ARK2N: variants seen among roughly 807,000 people sequenced by gnomAD.
ARK2N encodes the protein protein ARK2N.
the ARK2N span, chr18:46,216,433 C>T: frequency 6.2e-7 from 1 of 1,614,068 alleles, no homozygotes; most frequent in South Asian, 1.1e-5. This position sits in a 1 kb window ranked among gnomAD's most constrained non-coding sequence, Gnocchi z 4.3. Flanking sequence ...GAGGATCAGG[C>T]TACTGAGGCA....
chr18:46,179,941 A>G, the ARK2N span, among the ~76,000 whole-genome samples: 1 of 152,166 alleles, frequency 6.6e-6, no homozygotes, highest in Non-Finnish European at 1.5e-5. Context: ...TCTCTTCTAT[A>G]TTCCTGAACT....
chr18:46,223,609 A>AC, the ARK2N span, among the ~76,000 whole-genome samples: 1 of 152,228 alleles, frequency 6.6e-6, no homozygotes, highest in African/African-American at 2.4e-5. Context: ...AATTAGTTTA[A>AC]CAAATGCTCA....
chr18:46,195,901 C>A, the ARK2N span, among the ~76,000 whole-genome samples: 1 of 151,936 alleles, frequency 6.6e-6, no homozygotes, highest in Non-Finnish European at 1.5e-5. Context: ...AGAAACCCAA[C>A]CATTATACCA....
the ARK2N span, among the ~76,000 whole-genome samples, chr18:46,249,644 G>C: frequency 6.6e-6 from 1 of 152,186 alleles, no homozygotes; most frequent in East Asian, 1.9e-4. Flanking sequence ...GCTTTCTGCT[G>C]TCAAACCTAT....
At chr18:46,198,310 C>CA in the ARK2N span, among the ~76,000 whole-genome samples, 2,367 of 68,304 alleles carry the variant, frequency 0.035, 21 homozygotes, top group African/African-American at 0.061. Flanking sequence ...ACTCCATCTC[C>CA]AAAAAAAAAA....
chr18:46,228,970 T>G, the ARK2N span: 5 of 392,146 alleles, frequency 1.3e-5, no homozygotes, highest in African/African-American at 6.2e-5. Flanking sequence ...CTACAAAATT[T>G]TGAGGAAAGG....
At chr18:46,240,211 T>A in the ARK2N span, 14 of 1,612,756 alleles carry the variant, frequency 8.7e-6, 1 homozygote, top group Non-Finnish European at 1.1e-5. Flanking sequence ...ATCCCCCTTC[T>A]CTAACGGTGT....
At chr18:46,239,204 A>T in the ARK2N span, among the ~76,000 whole-genome samples, 1 of 152,194 alleles carries the variant, frequency 6.6e-6, no homozygotes, top group Non-Finnish European at 1.5e-5. Flanking sequence ...TTTGAAACTC[A>T]GCTGCCTTTT....
chr18:46,235,268 A>T, the ARK2N span, among the ~76,000 whole-genome samples: 1 of 152,228 alleles, frequency 6.6e-6, no homozygotes, highest in Non-Finnish European at 1.5e-5. Flanking sequence ...CACATTTGTG[A>T]TGACCTTACT....
At chr18:46,216,662 A>T in the ARK2N span, 1 of 1,358,810 alleles carries the variant, frequency 7.4e-7, no homozygotes, top group African/African-American at 1.5e-5. The surrounding 1 kb of genome is among the most constrained non-coding windows in gnomAD (Gnocchi z 4.3). Flanking sequence ...AGGTTCAGTT[A>T]GATGAGTGAC....
the ARK2N span, chr18:46,263,468 T>C: frequency 1.2e-3 from 227 of 192,856 alleles, no homozygotes; most frequent in African/African-American, 5.1e-3. Flanking sequence ...AGTTTTTGAA[T>C]CTTGTATTTA....
At chr18:46,195,530 G>A in the ARK2N span, among the ~76,000 whole-genome samples, 2,558 of 142,710 alleles carry the variant, frequency 0.018, 83 homozygotes, top group African/African-American at 0.065. Flanking sequence ...ATTACAGCTT[G>A]AGCCACCACG....
At chr18:46,230,146 A>G in the ARK2N span, among the ~76,000 whole-genome samples, 1 of 151,398 alleles carries the variant, frequency 6.6e-6, no homozygotes, top group Admixed American at 6.6e-5. Context: ...GCTGGTTTCA[A>G]ACTCCTGACC....
the ARK2N span, among the ~76,000 whole-genome samples, chr18:46,222,588 T>A: frequency 1.3e-5 from 2 of 152,218 alleles, no homozygotes; most frequent in African/African-American, 4.8e-5. Flanking sequence ...TGAGTGCCTA[T>A]ATTAACTTTG....
the ARK2N span, among the ~76,000 whole-genome samples, chr18:46,208,762 C>T: frequency 9.5e-4 from 145 of 152,164 alleles, no homozygotes; most frequent in African/African-American, 3.1e-3. Context: ...CCACCATGCC[C>T]GGCTCTGTTC....
At chr18:46,266,017 AG>A in the ARK2N span, 1 of 152,240 alleles carries the variant, frequency 6.6e-6, no homozygotes, top group Non-Finnish European at 1.5e-5. Flanking sequence ...GCTGCTCTCC[AG>A]TAATTGTCTT....
At chr18:46,178,448 G>T in the ARK2N span, among the ~76,000 whole-genome samples, 3 of 152,300 alleles carry the variant, frequency 2.0e-5, no homozygotes, top group Non-Finnish European at 4.4e-5. Context: ...GAGTAGTTGG[G>T]ATTGCAGGCA....
chr18:46,251,053 A>G, the ARK2N span, among the ~76,000 whole-genome samples: 1 of 152,184 alleles, frequency 6.6e-6, no homozygotes, highest in Non-Finnish European at 1.5e-5. Context: ...CTTGTTCCCC[A>G]TAGTATTTCT....
chr18:46,239,805 A>G, the ARK2N span, among the ~76,000 whole-genome samples: 1 of 152,126 alleles, frequency 6.6e-6, no homozygotes, highest in Admixed American at 6.6e-5. Context: ...TCCTCCTTCC[A>G]AAATGTGTCC....
Sources: gnomAD v4.1 joint callset for allele counts (sites outside exome capture counted in the v4.1 genomes callset) on GRCh38, gnomAD v4.1.1 for gene constraint, Gnocchi (gnomAD v3.1) non-coding constraint, MANE v1.5 for transcripts, NCBI Gene and HGNC (gene_info 2026-07-23, HGNC 2026-07-21) for gene names.